FCHO2: variants seen among roughly 807,000 people sequenced by gnomAD.
FCHO2 encodes the protein F-BAR domain only protein 2.
In FCHO2, 43 loss-of-function variants were observed where a neutral mutation model predicts 114.1. That is an observed-to-expected ratio of 0.38 (90% CI 0.30 to 0.49). The LOEUF is 0.49. Ranked by LOEUF, FCHO2 falls within the 20% of genes least tolerant of loss-of-function variation. FCHO2 has a pLI of 0.97. For synonymous variants in FCHO2, 293 were observed against 315.2 expected, an observed-to-expected ratio of 0.93 and a Z score of 0.75; for missense variants, 807 against 950.4, an observed-to-expected ratio of 0.85 and a Z score of 1.98.
intron 1 of FCHO2, among the ~76,000 whole-genome samples, chr5:72,962,287 G>A (rs925206990): frequency 1.3e-5 from 2 of 152,084 alleles, no homozygotes; most frequent in African/African-American, 4.8e-5. Flanking sequence ...TGATGTCTGC[G>A]TTCTTTTTTA....
intron 15 of FCHO2, 72 bp from the exon 16 acceptor site, chr5:73,055,991 TAG>T (rs1418816715): frequency 2.5e-5 from 25 of 1,016,850 alleles, no homozygotes; most frequent in Admixed American, 1.4e-4. Context: ...GATATGTGTA[TAG>T]AGTTTCTGTT....
chr5:72,997,822 G>C (rs1294168611), intron 5 of FCHO2, among the ~76,000 whole-genome samples: 4 of 152,222 alleles, frequency 2.6e-5, no homozygotes, highest in Non-Finnish European at 5.9e-5. Context: ...CATGGGCCTG[G>C]GACCCTGAAG....
chr5:72,968,964 T>C (rs1187619203), intron 2 of FCHO2, among the ~76,000 whole-genome samples: 1 of 152,232 alleles, frequency 6.6e-6, no homozygotes, highest in Non-Finnish European at 1.5e-5. Flanking sequence ...AGTTTAATTT[T>C]GTGTTTTTGT....
At chr5:73,070,272 A>G (rs908486194) in intron 19 of FCHO2, among the ~76,000 whole-genome samples, 4 of 152,148 alleles carry the variant, frequency 2.6e-5, no homozygotes, top group East Asian at 1.9e-4. Flanking sequence ...TAAAAAGACG[A>G]TAAGTAATAT....
intron 8 of FCHO2, among the ~76,000 whole-genome samples, chr5:73,032,843 AC>A (rs1191297955): frequency 6.6e-6 from 1 of 152,018 alleles, no homozygotes; most frequent in Admixed American, 6.6e-5. Context: ...TTTTTGGTAA[AC>A]CCTTTCTTGT....
chr5:73,015,731 T>C lies in FCHO2; in HGVS notation c.699+7T>C. The C allele has an allele frequency of 6.5e-7, 1 of 1,531,244 alleles. No homozygotes were observed. The highest frequency in any genetic ancestry group is 8.8e-7 in the Non-Finnish European group (1 of 1,138,756). The allele number at this position is 1,531,244 out of a possible 1,614,324, so 94.9% of individuals were successfully genotyped here. A position where few individuals can be genotyped will look rare whatever the true frequency, so the allele number is the denominator to read the frequency against. ...TCATTTGCAGATAGGCCAGGTAAGT[T>C]TTTTTACTTTATGTTGAACTATTCA... On this transcript the variant is annotated splice_region_variant and intron_variant, in intron 7 of 25. Transcript: ENST00000430046.
At chr5:73,048,875 T>A (rs542338057) in intron 11 of FCHO2, among the ~76,000 whole-genome samples, 29 of 142,676 alleles carry the variant, frequency 2.0e-4, no homozygotes, top group Admixed American at 1.0e-3. Context: ...GCTATCTTTT[T>A]TTTTTTTTTT....
chr5:73,085,185 C>T (rs757242919), intron 24 of FCHO2, among the ~76,000 whole-genome samples: 4 of 151,950 alleles, frequency 2.6e-5, no homozygotes, highest in Non-Finnish European at 4.4e-5. Flanking sequence ...CCTGTCTCTA[C>T]TAAAAATACA....
chr5:72,997,060 A>ATCT, intron 5 of FCHO2: 2 of 1,299,478 alleles, frequency 1.5e-6, no homozygotes, highest in Non-Finnish European at 2.2e-6. Context: ...TCATCCCCTT[A>ATCT]TCTTCTTGTC....
intron 15 of FCHO2, chr5:73,055,238 G>A: frequency 4.9e-6 from 1 of 204,764 alleles, no homozygotes; most frequent in South Asian, 7.3e-5. Flanking sequence ...ATAAATGCAG[G>A]GTGCTGAGTT....
intron 16 of FCHO2, among the ~76,000 whole-genome samples, chr5:73,058,090 A>G (rs577855470): frequency 1.3e-5 from 2 of 152,216 alleles, no homozygotes; most frequent in East Asian, 3.9e-4. Context: ...AGCTCACTGC[A>G]GCACAGAACT....
At chr5:72,988,935 G>A (rs755387729) in intron 2 of FCHO2, among the ~76,000 whole-genome samples, 26 of 152,166 alleles carry the variant, frequency 1.7e-4, no homozygotes, top group African/African-American at 2.4e-4. Context: ...GTGGCTGAGC[G>A]TGGTGGCTCA....
In FCHO2 at chr5:73,010,875, CAAA is replaced by C. The variant is rs57820498; in HGVS notation, c.600+4351_600+4353del. 9.7e-3 allele frequency among the ~76,000 whole-genome samples: 248 copies of C among 25,672 alleles called. 1 individual carries two copies. The highest frequency in any genetic ancestry group is 0.029 in the African/African-American group (235 of 8,216). The allele number at this position is 25,672 out of a possible 152,430, so 16.8% of individuals were successfully genotyped here. On this transcript the variant is annotated intron_variant, in intron 6 of 25. Transcript: ENST00000430046. ...TGGGTGACAGAGTGAGACTCTGTCT[CAAA>C]AAAAAAAAAAAAAAAAAAAAAAAAG... is the stretch of plus-strand genomic sequence containing the variant.
intron 1 of FCHO2, among the ~76,000 whole-genome samples, chr5:72,960,769 C>G (rs1300456219): frequency 6.6e-6 from 1 of 152,046 alleles, no homozygotes; most frequent in Non-Finnish European, 1.5e-5. Context: ...TAATGGGGGA[C>G]AAATAAGTAT....
intron 6 of FCHO2, among the ~76,000 whole-genome samples, chr5:73,007,551 CTA>C (rs2112718020): frequency 6.6e-6 from 1 of 152,308 alleles, no homozygotes; most frequent in South Asian, 2.1e-4. Context: ...TTTTTGGACT[CTA>C]TGTCTTCATT....
intron 20 of FCHO2, among the ~76,000 whole-genome samples, chr5:73,075,663 C>T (rs1337241628): frequency 6.6e-6 from 1 of 152,020 alleles, no homozygotes; most frequent in Admixed American, 6.6e-5. Flanking sequence ...GTGCGGTGGG[C>T]AGTCAGAATT....
At chr5:72,963,927 T>G (rs1054964794) in intron 1 of FCHO2, among the ~76,000 whole-genome samples, 68 of 140,918 alleles carry the variant, frequency 4.8e-4, no homozygotes, top group African/African-American at 1.8e-3. Flanking sequence ...TTTTTTTTTT[T>G]TTGTTTATGA....
chr5:73,068,226 T>A (rs1742455580), intron 18 of FCHO2, among the ~76,000 whole-genome samples: 2 of 152,092 alleles, frequency 1.3e-5, no homozygotes, highest in East Asian at 3.9e-4. Context: ...CTAGAAAAAA[T>A]TTTTAATCCC....
At chr5:73,020,607 G>A in intron 8 of FCHO2, 1 of 715,652 alleles carries the variant, frequency 1.4e-6, no homozygotes, top group Non-Finnish European at 2.5e-6. Flanking sequence ...GAAGGGGAAT[G>A]ATGGGTTGGA....
Sources: allele counts gnomAD v4.1 joint callset (sites outside exome capture counted in the v4.1 genomes callset), GRCh38; gene constraint gnomAD v4.1.1; transcripts MANE v1.5; gene names NCBI Gene and HGNC (gene_info 2026-07-23, HGNC 2026-07-21).